SETX: variants seen among roughly 807,000 people sequenced by gnomAD.
The protein encoded by SETX is senataxin, also known as helicase senataxin.
A neutral mutation model predicts 227.2 loss-of-function variants in SETX; 90 were observed. That is an observed-to-expected ratio of 0.40 (90% CI 0.33 to 0.47). The LOEUF (loss-of-function observed/expected upper bound fraction) is 0.47, where lower values mean the gene tolerates loss of function less well. Ranked by LOEUF, SETX falls within the 20% of genes least tolerant of loss-of-function variation. The pLI is 0.91. For missense variants in SETX, 3,052 were observed against 3,181.5 expected (o/e 0.96, Z 0.98); for synonymous variants, 1,210 against 1,113.2 (o/e 1.09, Z -1.73).
chr9:132,296,071 A>T, intron 14 of SETX, 43 bp from the exon 15 acceptor site: 1 of 1,611,208 alleles, frequency 6.2e-7, no homozygotes, highest in Non-Finnish European at 8.5e-7. Flanking sequence ...CACACAAAAA[A>T]TATGGGTGAG....
intron 10 of SETX, among the ~76,000 whole-genome samples, chr9:132,324,762 T>C (rs536085618): frequency 2.1e-4 from 32 of 152,360 alleles, no homozygotes; most frequent in African/African-American, 7.5e-4. Flanking sequence ...ATCAAGCTAA[T>C]GAACCATGAC....
At chr9:132,320,800 C>T (rs1288259614) in intron 10 of SETX, among the ~76,000 whole-genome samples, 1 of 151,904 alleles carries the variant, frequency 6.6e-6, no homozygotes, top group Non-Finnish European at 1.5e-5. Context: ...TAAAAAACAG[C>T]ATTGACCAAT....
At chr9:132,354,004 C>T (rs12348044) in intron 1 of SETX, among the ~76,000 whole-genome samples, 2,996 of 152,298 alleles carry the variant, frequency 0.02, 97 homozygotes, top group African/African-American at 0.067. Flanking sequence ...AAGTTATTAG[C>T]CCGCGCAGGT....
upstream of SETX, among the ~76,000 whole-genome samples, chr9:132,356,053 G>T (rs1271879121): frequency 1.3e-5 from 2 of 151,952 alleles, no homozygotes; most frequent in South Asian, 2.1e-4. Context: ...GCTGAGGCAG[G>T]GGGTGGATAT....
intron 15 of SETX, among the ~76,000 whole-genome samples, chr9:132,292,549 A>G (rs1844400677): frequency 6.6e-6 from 1 of 152,048 alleles, no homozygotes; most frequent in South Asian, 2.1e-4. Context: ...AATACTAATA[A>G]CAAATTAGCC....
intron 5 of SETX, among the ~76,000 whole-genome samples, chr9:132,337,849 T>C (rs1212634079): frequency 1.3e-5 from 2 of 152,236 alleles, no homozygotes; most frequent in Non-Finnish European, 2.9e-5. Flanking sequence ...AAATGCATAG[T>C]ATTTACATGG....
At chr9:132,297,172 T>C in intron 13 of SETX, 118 bp from the exon 14 acceptor site, 1 of 850,528 alleles carries the variant, frequency 1.2e-6, no homozygotes. Context: ...AAGCTTTGGT[T>C]ATGGTCAGAC....
At chr9:132,315,160 G>A (rs926665728) in intron 10 of SETX, among the ~76,000 whole-genome samples, 1 of 151,990 alleles carries the variant, frequency 6.6e-6, no homozygotes, top group Admixed American at 6.6e-5. Flanking sequence ...GTGATGATCC[G>A]CCTACTGTGG....
At chr9:132,355,571 G>A (rs2131600887), upstream of SETX, among the ~76,000 whole-genome samples, 1 of 152,364 alleles carries the variant, frequency 6.6e-6, no homozygotes, top group African/African-American at 2.4e-5. Flanking sequence ...CTGGTGCGGT[G>A]GCTCCCGCTT....
At chr9:132,347,386 C>T (rs755219060) in intron 3 of SETX, among the ~76,000 whole-genome samples, 2 of 151,824 alleles carry the variant, frequency 1.3e-5, no homozygotes, top group Non-Finnish European at 2.9e-5. Flanking sequence ...GGTCTCAGCT[C>T]ACCGCAACCT....
Position 132,269,604 on chromosome 9 carries a change from C to T in SETX, c.7287+11G>A. ...AACAATGGGTAAACTTCTGAGCTCT[C>T]TGGTACCTACCATCAGGGTCCTCAA... On this transcript the variant is annotated intron_variant, in intron 25 of 25. Transcript: ENST00000224140. 6.2e-7 allele frequency: 1 copy of T among 1,614,068 alleles called. No homozygotes were observed. The highest frequency in any genetic ancestry group is 8.5e-7 in the Non-Finnish European group (1 of 1,179,892).
At chr9:132,315,615 A>G (rs1458312854) in intron 10 of SETX, among the ~76,000 whole-genome samples, 1 of 152,032 alleles carries the variant, frequency 6.6e-6, no homozygotes, top group Non-Finnish European at 1.5e-5. Context: ...CCTGCTCCCA[A>G]TCAATATGTA....
intron 11 of SETX, among the ~76,000 whole-genome samples, chr9:132,301,235 CGCCACCA>C (rs1196846739): frequency 2.6e-5 from 4 of 151,552 alleles, no homozygotes; most frequent in African/African-American, 9.7e-5. Flanking sequence ...TGGAGGCGCC[CGCCACCA>C]CGCCCGGCTA....
At chr9:132,355,670 G>A (rs1484866244), upstream of SETX, among the ~76,000 whole-genome samples, 1 of 151,696 alleles carries the variant, frequency 6.6e-6, no homozygotes, top group East Asian at 1.9e-4. Flanking sequence ...CGAGACACCC[G>A]TATGTACAAA....
intron 11 of SETX, among the ~76,000 whole-genome samples, chr9:132,306,441 A>T (rs1589690949): frequency 6.6e-6 from 1 of 152,132 alleles, no homozygotes; most frequent in Admixed American, 6.5e-5. Context: ...CGAACTCCCG[A>T]CCTCAGGTGA....
chr9:132,287,575 T>TTA (rs1293327085), intron 17 of SETX, among the ~76,000 whole-genome samples: 1 of 152,184 alleles, frequency 6.6e-6, no homozygotes, highest in Non-Finnish European at 1.5e-5. Flanking sequence ...TGTTTATGTA[T>TTA]TATCTATGGC....
At chr9:132,324,990 G>C (rs1396447279) in intron 10 of SETX, among the ~76,000 whole-genome samples, 2 of 152,198 alleles carry the variant, frequency 1.3e-5, no homozygotes, top group Non-Finnish European at 2.9e-5. Flanking sequence ...ACTTGAGTAA[G>C]GAGGAGAGAA....
At chr9:132,349,476 C>T in intron 2 of SETX, 41 bp from the exon 3 acceptor site, 1 of 1,593,834 alleles carries the variant, frequency 6.3e-7, no homozygotes, top group Non-Finnish European at 8.6e-7. Flanking sequence ...AAACCAACTT[C>T]AGACCTACTG....
intron 19 of SETX, among the ~76,000 whole-genome samples, chr9:132,282,296 CTTA>C (rs1022910832): frequency 2.2e-4 from 32 of 145,532 alleles, no homozygotes; most frequent in Non-Finnish European, 7.4e-5. Flanking sequence ...TATTTTTTAA[CTTA>C]TTTTTTTTTT....
Sources: gnomAD v4.1 joint callset for allele counts (sites outside exome capture counted in the v4.1 genomes callset) on GRCh38, gnomAD v4.1.1 for gene constraint, MANE v1.5 for transcripts, NCBI Gene and HGNC (gene_info 2026-07-23, HGNC 2026-07-21) for gene names.